Variants in CFAP221 observed in about 807,000 individuals in gnomAD.
CFAP221 encodes cilia- and flagella-associated protein 221.
Under a neutral mutation model 113.1 loss-of-function variants are expected in CFAP221, and 97 were observed. That is an observed-to-expected ratio of 0.86 (90% CI 0.73 to 1.02). The LOEUF (loss-of-function observed/expected upper bound fraction) is 1.02. Ranked by LOEUF, CFAP221 falls within the 50% of genes least tolerant of loss-of-function variation. CFAP221 has a pLI of 0.00. For synonymous variants in CFAP221, 331 were observed against 354.4 expected (o/e 0.93, Z 0.74); for missense variants, 1,025 against 1,013.4 (o/e 1.01, Z -0.16).
At chr2:119,657,007 C>T (rs1688469856), downstream of CFAP221, among the ~76,000 whole-genome samples, 1 of 152,090 alleles carries the variant, frequency 6.6e-6, no homozygotes, top group Admixed American at 6.5e-5. Flanking sequence ...GAAGCATCCT[C>T]CTGGGAACTC....
chr2:119,601,604 T>C, intron 8 of CFAP221: 1 of 445,756 alleles, frequency 2.2e-6, no homozygotes, highest in Non-Finnish European at 3.9e-6. Flanking sequence ...AAAAAGGGAT[T>C]TTTGAAGGAC....
In CFAP221 at chr2:119,638,463, G is replaced by A. The variant is rs776795893; in HGVS notation, c.2133+46G>A. Reference sequence around the variant, plus strand: ...ACTGGCAGAGTGACCCTGGGCTGCAGGGAGGGGCAGGGGACAAGGACAGGG... The same window carrying A: ...ACTGGCAGAGTGACCCTGGGCTGCAAGGAGGGGCAGGGGACAAGGACAGGG... On this transcript the variant is annotated intron_variant, in intron 20 of 23. Coordinates refer to ENST00000413369, the MANE Select transcript of CFAP221 (RefSeq NM_001271049.2). The A allele has an allele frequency of 5.0e-6, 8 of 1,606,346 alleles. No homozygotes were observed. In the Admixed American group the frequency reaches 1.0e-4, roughly 20 times the overall value.
chr2:119,609,514 C>G (rs557716400), intron 12 of CFAP221, among the ~76,000 whole-genome samples: 14 of 152,120 alleles, frequency 9.2e-5, no homozygotes, highest in African/African-American at 1.7e-4. Flanking sequence ...TGGTGGCCAC[C>G]TTCTCCTCAT....
chr2:119,594,591 CA>C (rs1683831066), intron 7 of CFAP221, among the ~76,000 whole-genome samples: 1 of 152,150 alleles, frequency 6.6e-6, no homozygotes, highest in South Asian at 2.1e-4. Flanking sequence ...TCTCCTCCTT[CA>C]AAAAGTATTA....
Position 119,604,957 on chromosome 2 carries a change from G to A in CFAP221, c.994G>A (p.Gly332Arg), listed in dbSNP as rs1197092091. ...AVATVLNQEPGKLKIKELREV... is the reference protein window; with the variant it reads ...AVATVLNQEPRKLKIKELREV... ...GGCAACTGTTTTAAACCAAGAACCAGGAAAATTGAAGATTAAAGAATTAAG... is the reference window on the plus strand; with the variant it reads ...GGCAACTGTTTTAAACCAAGAACCAAGAAAATTGAAGATTAAAGAATTAAG... Residue 332 changes from glycine (G) to arginine (R), a missense_variant, in exon 10 of 24, where the codon GGA becomes AGA. Coordinates refer to ENST00000413369, the MANE Select transcript of CFAP221 (RefSeq NM_001271049.2). 2 of 1,613,910 alleles carry A rather than the reference G, an allele frequency of 1.2e-6. No individual in the cohort carries two copies. The highest frequency in any genetic ancestry group is 1.3e-5 in the African/African-American group (1 of 74,870).
intron 6 of CFAP221, among the ~76,000 whole-genome samples, chr2:119,566,090 T>C (rs1681604266): frequency 1.3e-5 from 2 of 152,060 alleles, no homozygotes. Context: ...CCCGGCTTGG[T>C]TGAGGTCAGT....
At chr2:119,591,248 A>G (rs1683572169) in intron 7 of CFAP221, among the ~76,000 whole-genome samples, 1 of 152,210 alleles carries the variant, frequency 6.6e-6, no homozygotes, top group Admixed American at 6.5e-5. Flanking sequence ...CAAACCCAAT[A>G]GTGAGGAAGG....
intron 19 of CFAP221, among the ~76,000 whole-genome samples, chr2:119,634,269 G>A (rs1394978073): frequency 6.6e-6 from 1 of 152,152 alleles, no homozygotes; most frequent in Non-Finnish European, 1.5e-5. Flanking sequence ...GAGCCCAGGA[G>A]TTTGAGACCA....
intron 7 of CFAP221, chr2:119,590,335 C>T (rs1323749878): frequency 6.6e-6 from 1 of 152,178 alleles, no homozygotes; most frequent in East Asian, 1.9e-4. Flanking sequence ...AACCTCTGCC[C>T]TTGCCTTGGC....
intron 6 of CFAP221, among the ~76,000 whole-genome samples, chr2:119,582,115 A>C (rs1004559119): frequency 6.6e-6 from 1 of 152,248 alleles, no homozygotes; most frequent in African/African-American, 2.4e-5. Context: ...AAGTTTATTT[A>C]CGTAAGAATT....
At position 119,621,191 on chromosome 2, in the gene CFAP221, C is replaced by T. The variant is rs144886227; in HGVS notation, c.1411-4392C>T. Among the ~76,000 whole-genome samples, 562 of 150,118 alleles carry T rather than the reference C, an allele frequency of 3.7e-3. 5 individuals carry two copies. The highest frequency in any genetic ancestry group is 0.013 in the African/African-American group (535 of 40,670). ...GGTGAGCTGAGATTGTGCCATCGCACTCCAGCCTGGGCAACAAGAGTGAAA... is the reference window on the plus strand; with the variant it reads ...GGTGAGCTGAGATTGTGCCATCGCATTCCAGCCTGGGCAACAAGAGTGAAA... On this transcript the variant is annotated intron_variant, in intron 14 of 23. Coordinates refer to ENST00000413369, the MANE Select transcript of CFAP221 (RefSeq NM_001271049.2).
chr2:119,616,640 G>A (rs770551633), intron 14 of CFAP221, among the ~76,000 whole-genome samples: 1 of 152,260 alleles, frequency 6.6e-6, no homozygotes, highest in Non-Finnish European at 1.5e-5. Flanking sequence ...CACCCCTCTA[G>A]CAGCCACTGT....
chr2:119,621,140 G>A (rs568003785), intron 14 of CFAP221, among the ~76,000 whole-genome samples: 78 of 151,690 alleles, frequency 5.1e-4, no homozygotes, highest in Admixed American at 1.5e-3. Context: ...CAAGAAAATC[G>A]CTTGAACCCG....
chr2:119,575,361 C>T (rs1682368966), intron 6 of CFAP221, among the ~76,000 whole-genome samples: 1 of 152,134 alleles, frequency 6.6e-6, no homozygotes, highest in African/African-American at 2.4e-5. Context: ...AGTCGGCCCT[C>T]CTGAATCTCC....
rs1469205278 is a variant in CFAP221, at chr2:119,639,760, A to G, written c.2134-21A>G. The G allele has an allele frequency of 3.8e-6, 6 of 1,595,580 alleles. No homozygotes were observed. In the South Asian group the frequency reaches 4.4e-5, roughly 12 times the overall value. On this transcript the variant is annotated intron_variant, in intron 20 of 23. Transcript: ENST00000413369. ...TTACCTCACCAAACAGTTGCTTCCC[A>G]TGTGCTGACTTTCCTTACAGGACAT... is the stretch of plus-strand genomic sequence containing the variant.
chr2:119,549,038 AT>A, intron 2 of CFAP221, 46 bp from the exon 3 acceptor site: 2 of 1,252,164 alleles, frequency 1.6e-6, no homozygotes, highest in East Asian at 2.7e-5. Context: ...TTAATTTAAT[AT>A]TTTCTTTGAT....
intron 7 of CFAP221, among the ~76,000 whole-genome samples, chr2:119,590,939 G>T (rs140371952): frequency 1.4e-4 from 21 of 152,302 alleles, no homozygotes; most frequent in African/African-American, 4.8e-4. Context: ...AGCACACAGC[G>T]CAGGCCCCCA....
At chr2:119,586,013 A>G (rs555437089) in intron 6 of CFAP221, among the ~76,000 whole-genome samples, 1 of 152,264 alleles carries the variant, frequency 6.6e-6, no homozygotes, top group East Asian at 1.9e-4. Context: ...GGGAGTATGA[A>G]CTGGAAAATG....
chr2:119,597,908 G>T (rs747723268), intron 7 of CFAP221, among the ~76,000 whole-genome samples: 1 of 152,168 alleles, frequency 6.6e-6, no homozygotes, highest in African/African-American at 2.4e-5. Context: ...CACAGAAAAT[G>T]TGGGGGTTTT....
Sources: gnomAD v4.1 joint callset for allele counts (sites outside exome capture counted in the v4.1 genomes callset) on GRCh38, gnomAD v4.1.1 for gene constraint, MANE v1.5 for transcripts, NCBI Gene and HGNC (gene_info 2026-07-23, HGNC 2026-07-21) for gene names.